The following HRH1 variants were observed in gnomAD, a reference collection of about 807,000 sequenced individuals.
HRH1 encodes histamine H1 receptor.
Under a neutral mutation model 10.3 loss-of-function variants are expected in HRH1, and 6 were observed. The ratio of observed to expected loss-of-function variants is 0.58; its 90% confidence interval spans 0.32 to 1.15. The LOEUF is 1.15. Among genes scored for constraint, HRH1 ranks in the 50% most tolerant of loss-of-function variants. The pLI, the probability that HRH1 is intolerant of heterozygous loss-of-function variation, is 0.05. For synonymous variants in HRH1, 242 were observed against 236.7 expected (o/e 1.02, Z -0.21); for missense variants, 514 against 615.3 (o/e 0.84, Z 1.74).
At chr3:11,142,441 AAGAC>A (rs1326217473) in intron 1 of HRH1, among the ~76,000 whole-genome samples, 1 of 152,220 alleles carries the variant, frequency 6.6e-6, no homozygotes, top group Non-Finnish European at 1.5e-5. Flanking sequence ...AGTGAGGAAA[AAGAC>A]AGAAACCCTG....
At chr3:11,208,475 G>A (rs946264404) in intron 1 of HRH1, among the ~76,000 whole-genome samples, 3 of 151,802 alleles carry the variant, frequency 2.0e-5, no homozygotes, top group African/African-American at 7.3e-5. Flanking sequence ...GTTTTTTGAG[G>A]GTTTTTTTGC....
intron 1 of HRH1, among the ~76,000 whole-genome samples, chr3:11,170,520 G>A (rs932005789): frequency 5.3e-5 from 8 of 152,260 alleles, no homozygotes; most frequent in African/African-American, 1.2e-4. Context: ...AGGCAGACCC[G>A]GAACGGGCAG....
Position 11,259,046 on chromosome 3 carries a change from C to T in HRH1, c.9C>T (p.Leu3=), listed in dbSNP as rs1450118533. ...TGGCTGCTCTTGCGCCAATGAGCCTCCCCAATTCCTCCTGCCTCTTAGAAG... is the reference window on the plus strand; with the variant it reads ...TGGCTGCTCTTGCGCCAATGAGCCTTCCCAATTCCTCCTGCCTCTTAGAAG... MS[L]PNSSCLLEDK... Residue 3 remains leucine, a synonymous_variant, in exon 2 of 2, where the codon CTC becomes CTT. Transcript: ENST00000431010. The surrounding 1 kb of genome is among the most constrained non-coding windows in gnomAD (Gnocchi z 4.6). 2 of 1,596,640 alleles carry T rather than the reference C, an allele frequency of 1.3e-6. No individual in the cohort carries two copies. The highest frequency in any genetic ancestry group is 2.3e-5 in the South Asian group (2 of 88,762).
intron 1 of HRH1, among the ~76,000 whole-genome samples, chr3:11,159,520 C>G (rs1936885032): frequency 6.6e-6 from 1 of 152,214 alleles, no homozygotes; most frequent in South Asian, 2.1e-4. Context: ...TGATGCATGA[C>G]ATCGACTTCT....
At position 11,232,491 on chromosome 3, in the gene HRH1, A is replaced by G. The variant is rs545848399; in HGVS notation, c.-35-26512A>G. On this transcript the variant is annotated intron_variant, in intron 1 of 1. Transcript: ENST00000431010. ...TTCTATTCTATTGATTTATGTGTCTATTCCTTTGCCAATACCACAAAGTCT... is the reference window on the plus strand; with the variant it reads ...TTCTATTCTATTGATTTATGTGTCTGTTCCTTTGCCAATACCACAAAGTCT... Among the ~76,000 whole-genome samples the G allele has an allele frequency of 1.1e-4, 17 of 152,276 alleles. No homozygotes were observed. The East Asian group carries it at 2.3e-3, about 21-fold the overall frequency.
At chr3:11,156,676 CCTT>C (rs1395716568) in intron 1 of HRH1, among the ~76,000 whole-genome samples, 2 of 152,280 alleles carry the variant, frequency 1.3e-5, no homozygotes, top group South Asian at 2.1e-4. Context: ...ATTCCTGACA[CCTT>C]CTTCACTGCG....
chr3:11,243,320 G>C (rs375554262), intron 1 of HRH1, among the ~76,000 whole-genome samples: 243 of 152,294 alleles, frequency 1.6e-3, no homozygotes, highest in African/African-American at 5.4e-3. Context: ...GAAAATGCAG[G>C]GTCCCTGCTG....
rs755029776 is a variant in HRH1, at chr3:11,148,810, C to CTT, written c.-36+11435_-36+11436dup. Among the ~76,000 whole-genome samples, 375 of 84,432 alleles carry CTT rather than the reference C, an allele frequency of 4.4e-3. 7 individuals carry two copies. Among genetic ancestry groups the CTT allele is most frequent in the African/African-American group, 0.013 (275 of 21,514 alleles). The allele number at this position is 84,432 out of a possible 152,430, so 55.4% of individuals were successfully genotyped here. On this transcript the variant is annotated intron_variant, in intron 1 of 1. Transcript: ENST00000438284. ...TAGTTATTAAGAGACAAACCACAGT[C>CTT]TTTTTTTTTTTTTTTTTTTTTTTTT... is the stretch of plus-strand genomic sequence containing the variant.
intron 1 of HRH1, among the ~76,000 whole-genome samples, chr3:11,184,422 C>A (rs760799595): frequency 6.6e-6 from 1 of 152,138 alleles, no homozygotes; most frequent in Non-Finnish European, 1.5e-5. Context: ...AGCTCTTCAC[C>A]ACTGAATGTC....
intron 1 of HRH1, among the ~76,000 whole-genome samples, chr3:11,160,168 G>A (rs547242062): frequency 6.6e-6 from 1 of 152,268 alleles, no homozygotes; most frequent in South Asian, 2.1e-4. Flanking sequence ...CAGTTTTTAG[G>A]CCAGGCTCTC....
At chr3:11,234,171 C>T in intron 1 of HRH1, 1 of 818,362 alleles carries the variant, frequency 1.2e-6, no homozygotes, top group African/African-American at 1.7e-5. Flanking sequence ...GAGGGAAAGA[C>T]ACTTTCTTGG....
intron 1 of HRH1, among the ~76,000 whole-genome samples, chr3:11,235,822 C>T (rs1939166970): frequency 6.6e-6 from 1 of 152,234 alleles, no homozygotes; most frequent in Admixed American, 6.5e-5. Context: ...CAGGTGTTGT[C>T]TAAAAGTTTT....
chr3:11,197,099 T>C (rs2125024964), intron 1 of HRH1, among the ~76,000 whole-genome samples: 2 of 138,740 alleles, frequency 1.4e-5, no homozygotes, highest in East Asian at 4.3e-4. Flanking sequence ...CACTCTAGCC[T>C]GGGCTACAGA....
chr3:11,153,623 A>C (rs141658374), upstream of HRH1, among the ~76,000 whole-genome samples: 20 of 151,980 alleles, frequency 1.3e-4, no homozygotes, highest in East Asian at 3.9e-3. Flanking sequence ...GTTCAAATGG[A>C]GTTTTCCCGG....
Position 11,161,830 on chromosome 3 carries a change from G to A in HRH1, c.-36+7276G>A, listed in dbSNP as rs548866080. ...TTGAAAACCTCCATTAACAAGCCAG[G>A]AACTCAAGATGGAGTTTTCTCCCAC... is the stretch of plus-strand genomic sequence containing the variant. On this transcript the variant is annotated intron_variant, in intron 1 of 1. Transcript: ENST00000431010. Among the ~76,000 whole-genome samples, 4 of 152,306 alleles carry A rather than the reference G, an allele frequency of 2.6e-5. No individual in the cohort carries two copies. The South Asian group carries it at 8.3e-4, about 32-fold the overall frequency.
intron 1 of HRH1, among the ~76,000 whole-genome samples, chr3:11,229,206 G>A (rs1938979108): frequency 6.6e-6 from 1 of 152,032 alleles, no homozygotes; most frequent in African/African-American, 2.4e-5. Context: ...CTCTGAAATA[G>A]GCCCATAAGG....
intron 1 of HRH1, among the ~76,000 whole-genome samples, chr3:11,157,381 T>C (rs1231138844): frequency 6.6e-6 from 1 of 152,348 alleles, no homozygotes; most frequent in East Asian, 1.9e-4. Flanking sequence ...TTAGCTATAA[T>C]TGCTCCTGAT....
At chr3:11,196,706 CTG>C (rs1937664497) in intron 1 of HRH1, among the ~76,000 whole-genome samples, 1 of 152,098 alleles carries the variant, frequency 6.6e-6, no homozygotes, top group African/African-American at 2.4e-5. Flanking sequence ...CTTTTGGAAA[CTG>C]TGTATGATGC....
chr3:11,229,220 C>T (rs73119400), intron 1 of HRH1, among the ~76,000 whole-genome samples: 2,067 of 152,132 alleles, frequency 0.014, 45 homozygotes, highest in African/African-American at 0.047. Context: ...CATAAGGAGA[C>T]AATAGTAAAC....
Sources: gnomAD v4.1 joint callset for allele counts (sites outside exome capture counted in the v4.1 genomes callset) on GRCh38, gnomAD v4.1.1 for gene constraint, Gnocchi (gnomAD v3.1) non-coding constraint, MANE v1.5 for transcripts, NCBI Gene and HGNC (gene_info 2026-07-23, HGNC 2026-07-21) for gene names.